The following GPC6 variants were observed in gnomAD, a reference collection of about 807,000 sequenced individuals.
The protein encoded by GPC6 is glypican 6.
In GPC6, 14 loss-of-function variants were observed where a neutral mutation model predicts 55.2. The ratio of observed to expected loss-of-function variants is 0.25; its 90% CI spans 0.17 to 0.40. The LOEUF (loss-of-function observed/expected upper bound fraction) is 0.40. Ranked by LOEUF, GPC6 falls within the 10% of genes least tolerant of loss-of-function variation. The probability of loss-of-function intolerance (pLI) is 1.00; values close to 1 mark genes in which losing one functional copy is unlikely to be tolerated. For missense variants in GPC6, 641 were observed against 708.5 expected, an observed-to-expected ratio of 0.90 and a Z score of 1.08; for synonymous variants, 278 against 259.6, an observed-to-expected ratio of 1.07 and a Z score of -0.68.
intron 1 of GPC6, among the ~76,000 whole-genome samples, chr13:93,516,700 G>T (rs1881209949): frequency 6.6e-6 from 1 of 152,070 alleles, no homozygotes; most frequent in Non-Finnish European, 1.5e-5. Flanking sequence ...AACCAAAAAG[G>T]TATTTATTTT....
intron 2 of GPC6, among the ~76,000 whole-genome samples, chr13:93,828,666 TAATCCC>T (rs974539840): frequency 7.9e-5 from 12 of 152,120 alleles, no homozygotes; most frequent in Non-Finnish European, 1.6e-4. Context: ...ACAGTATTTG[TAATCCC>T]ACAGTTTTTG....
intron 3 of GPC6, among the ~76,000 whole-genome samples, chr13:94,025,139 A>T (rs980359633): frequency 6.6e-6 from 1 of 152,238 alleles, no homozygotes; most frequent in African/African-American, 2.4e-5. Context: ...GCATCATTTA[A>T]TACCAATGGT....
chr13:94,132,359 C>T (rs927396451), intron 4 of GPC6, among the ~76,000 whole-genome samples: 1 of 152,110 alleles, frequency 6.6e-6, no homozygotes, highest in South Asian at 2.1e-4. Flanking sequence ...AATGCACATG[C>T]CTTCCTCAGA....
intron 3 of GPC6, among the ~76,000 whole-genome samples, chr13:93,907,335 T>G (rs1594577726): frequency 6.6e-6 from 1 of 152,294 alleles, no homozygotes; most frequent in South Asian, 2.1e-4. Flanking sequence ...AATAAAATTT[T>G]CTCTTCCATT....
chr13:93,772,832 C>G (rs1885346267), intron 2 of GPC6, among the ~76,000 whole-genome samples: 1 of 152,098 alleles, frequency 6.6e-6, no homozygotes, highest in Non-Finnish European at 1.5e-5. Flanking sequence ...CACTATCATT[C>G]TAAGGAATTG....
At chr13:93,492,237 A>G (rs907140537) in intron 1 of GPC6, among the ~76,000 whole-genome samples, 12 of 146,666 alleles carry the variant, frequency 8.2e-5, no homozygotes, top group East Asian at 4.0e-4. Flanking sequence ...GGTCCTTCAC[A>G]TCCCTTGTAA....
At chr13:93,916,500 A>G (rs1177259773) in intron 3 of GPC6, among the ~76,000 whole-genome samples, 3 of 151,868 alleles carry the variant, frequency 2.0e-5, no homozygotes, top group Admixed American at 2.0e-4. Flanking sequence ...TATCCCCCAA[A>G]CTCCAACATT....
At chr13:93,770,188 C>T (rs1437422861) in intron 2 of GPC6, among the ~76,000 whole-genome samples, 1 of 152,026 alleles carries the variant, frequency 6.6e-6, no homozygotes, top group African/African-American at 2.4e-5. Context: ...AGTTATGTTA[C>T]TTATCTATTT....
intron 4 of GPC6, among the ~76,000 whole-genome samples, chr13:94,244,675 A>G (rs1023444918): frequency 2.0e-5 from 3 of 152,088 alleles, no homozygotes; most frequent in Non-Finnish European, 4.4e-5. Flanking sequence ...AGATGAGAAT[A>G]AAAGATGAAG....
chr13:94,136,701 C>A (rs1056546620), intron 4 of GPC6, among the ~76,000 whole-genome samples: 7 of 152,034 alleles, frequency 4.6e-5, no homozygotes, highest in African/African-American at 7.2e-5. Context: ...CAGAGCGAGA[C>A]TCCATCTCAA....
intron 4 of GPC6, among the ~76,000 whole-genome samples, chr13:94,219,408 A>G (rs995596518): frequency 3.3e-5 from 5 of 152,146 alleles, no homozygotes; most frequent in African/African-American, 1.2e-4. Flanking sequence ...ACCAGACACT[A>G]GGGGCTCTTT....
chr13:94,038,142 C>T (rs568093486), intron 4 of GPC6, among the ~76,000 whole-genome samples: 11 of 151,736 alleles, frequency 7.2e-5, no homozygotes, highest in Admixed American at 6.6e-4. Context: ...TTAAGGTGTA[C>T]AATGTGATGA....
intron 1 of GPC6, among the ~76,000 whole-genome samples, chr13:93,538,667 T>G (rs894132465): frequency 6.6e-6 from 1 of 152,174 alleles, no homozygotes; most frequent in African/African-American, 2.4e-5. Context: ...TGAAATTAAC[T>G]GAGAGCCACA....
chr13:94,052,254 T>C (rs547059510), intron 4 of GPC6, among the ~76,000 whole-genome samples: 1 of 152,230 alleles, frequency 6.6e-6, no homozygotes, highest in Admixed American at 6.5e-5. Flanking sequence ...AGGAAATTGA[T>C]CAGGGATTTG....
intron 1 of GPC6, among the ~76,000 whole-genome samples, chr13:93,388,309 G>T (rs775000503): frequency 6.6e-6 from 1 of 152,112 alleles, no homozygotes; most frequent in Non-Finnish European, 1.5e-5. Context: ...AGCCTATTGC[G>T]TTCCTGAGAC....
chr13:94,289,080 A>C (rs753811802), intron 5 of GPC6, among the ~76,000 whole-genome samples: 7 of 150,776 alleles, frequency 4.6e-5, no homozygotes, highest in African/African-American at 4.9e-5. Flanking sequence ...GCTAGAACAC[A>C]GCCCAGCACT....
chr13:93,640,684 C>T (rs1036271851), intron 2 of GPC6, among the ~76,000 whole-genome samples: 14 of 149,420 alleles, frequency 9.4e-5, no homozygotes, highest in East Asian at 2.0e-4. Context: ...CTCCCTCCCT[C>T]CCCGCTCCCT....
intron 1 of GPC6, among the ~76,000 whole-genome samples, chr13:93,543,253 A>G (rs1356422704): frequency 6.6e-6 from 1 of 152,116 alleles, no homozygotes; most frequent in Non-Finnish European, 1.5e-5. Context: ...AATTTTGTCA[A>G]AGGCCTTTTC....
intron 1 of GPC6, among the ~76,000 whole-genome samples, chr13:93,388,846 G>A (rs1204982582): frequency 6.6e-6 from 1 of 152,042 alleles, no homozygotes; most frequent in Non-Finnish European, 1.5e-5. Flanking sequence ...TATTTCCCTG[G>A]CATCTAGGAA....
Sources: gnomAD v4.1 joint callset for allele counts (sites outside exome capture counted in the v4.1 genomes callset) on GRCh38, gnomAD v4.1.1 for gene constraint, MANE v1.5 for transcripts, NCBI Gene and HGNC (gene_info 2026-07-23, HGNC 2026-07-21) for gene names.